Variants in MSANTD4 observed in about 807,000 individuals in gnomAD.
MSANTD4 encodes the protein myb/SANT-like DNA-binding domain-containing protein 4.
In MSANTD4, 13 loss-of-function variants were observed where a neutral mutation model predicts 34.3. That is an observed-to-expected ratio of 0.38 (90% CI 0.25 to 0.60). The LOEUF is 0.60. Ranked by LOEUF, MSANTD4 falls within the 20% of genes least tolerant of loss-of-function variation. The pLI, the probability that MSANTD4 is intolerant of heterozygous loss-of-function variation, is 0.63. For synonymous variants in MSANTD4, 137 were observed against 145.2 expected (o/e 0.94, Z 0.41); for missense variants, 358 against 401.8 (o/e 0.89, Z 0.93).
At chr11:106,016,061 T>C (rs983421558) in intron 1 of MSANTD4, among the ~76,000 whole-genome samples, 1 of 152,186 alleles carries the variant, frequency 6.6e-6, no homozygotes, top group Non-Finnish European at 1.5e-5. Flanking sequence ...TCTTGCTATG[T>C]TGTCCAGGCT....
Position 106,016,052 on chromosome 11 carries a change from C to A in MSANTD4, c.-151+4910G>T, listed in dbSNP as rs547499779. Among the ~76,000 whole-genome samples the A allele has an allele frequency of 6.1e-4, 93 of 152,220 alleles. 1 individual carries two copies. The Middle Eastern group carries it at 0.01, about 17-fold the overall frequency. ...TTTAAAGCTTTTATATAGACAAGGTCTTGCTATGTTGTCCAGGCTGGTCTT... is the reference window on the plus strand; with the variant it reads ...TTTAAAGCTTTTATATAGACAAGGTATTGCTATGTTGTCCAGGCTGGTCTT... On this transcript the variant is annotated intron_variant, in intron 1 of 2. Coordinates refer to ENST00000301919, the MANE Select transcript of MSANTD4 (RefSeq NM_032424.3).
rs1859605445 is a variant in MSANTD4 at position 106,009,103 on chromosome 11, G to C, written c.*432C>G. The C allele has an allele frequency of 6.4e-6, 1 of 156,772 alleles. No homozygotes were observed. The highest frequency in any genetic ancestry group is 1.4e-5 in the Non-Finnish European group (1 of 71,094). 9.7% of individuals were successfully genotyped at this position (156,772 alleles called of 1,614,324 possible). A position where few individuals can be genotyped will look rare whatever the true frequency, so the allele number is the denominator to read the frequency against. On this transcript the variant is annotated 3_prime_UTR_variant, in exon 3 of 3. Coordinates refer to ENST00000301919, the MANE Select transcript of MSANTD4 (RefSeq NM_032424.3). ...TTTGGGTTGGAAAATTCTTTACTGA[G>C]TGTGGGGGGGTGTTGAGGAGGTATG...
At position 106,010,988 on chromosome 11, in the gene MSANTD4, A is replaced by T; in HGVS notation, c.-71T>A. ...TTGAGGAATGCTGCAAAGCACAAAA[A>T]CCAGGGATAATTCTTTGCTGGCCCT... On this transcript the variant is annotated 5_prime_UTR_variant, in exon 2 of 3. Coordinates refer to ENST00000301919, the MANE Select transcript of MSANTD4 (RefSeq NM_032424.3). The T allele has an allele frequency of 6.8e-7, 1 of 1,474,690 alleles. No homozygotes were observed. Among genetic ancestry groups the T allele is most frequent in the Non-Finnish European group, 9.0e-7 (1 of 1,116,850 alleles). 91.4% of individuals were successfully genotyped at this position (1,474,690 alleles called of 1,614,324 possible). A position where few individuals can be genotyped will look rare whatever the true frequency, so the allele number is the denominator to read the frequency against.
In MSANTD4 at chr11:106,008,482, T is replaced by C. The variant is rs1859591189; in HGVS notation, c.*1053A>G. ...TCCAATCCATAATACATACCTACTA[T>C]CATTATTTCAACATCATTATTATTT... On this transcript the variant is annotated 3_prime_UTR_variant, in exon 3 of 3. Coordinates refer to ENST00000301919, the MANE Select transcript of MSANTD4 (RefSeq NM_032424.3). 6.6e-6 allele frequency: 1 copy of C among 152,192 alleles called. No individual in the cohort carries two copies. The highest frequency in any genetic ancestry group is 6.5e-5 in the Admixed American group (1 of 15,276). 9.4% of individuals were successfully genotyped at this position (152,192 alleles called of 1,614,324 possible). A position where few individuals can be genotyped will look rare whatever the true frequency, so the allele number is the denominator to read the frequency against.
chr11:106,009,627 T>C lies in MSANTD4; in HGVS notation c.946A>G (p.Lys316Glu), dbSNP rs777479414. The change falls in exon 3 of 3, where the codon AAG becomes GAG. Residue 316 changes from lysine to glutamate, a missense_variant. Physicochemically the swap from Lys to Glu is moderately conservative, Grantham distance 56 (BLOSUM62 1). Around this residue, in one of 2 missense-constraint regions of MSANTD4, gnomAD observed 312 missense variants for 317.6 expected, o/e 0.98. Coordinates refer to ENST00000301919, the MANE Select transcript of MSANTD4 (RefSeq NM_032424.3). The stretch of plus-strand genomic sequence containing the variant: ...ATCTGCAGCTTCTCAGATTCAAACT[T>C]CAAAAACTGCAGCCTATCCTTTTCC... ...QLEKDRLQFL[K>E]FESEKLQIEK... is the part of the protein sequence containing the mutation. The C allele has an allele frequency of 1.2e-6, 2 of 1,614,070 alleles. No homozygotes were observed. Among genetic ancestry groups the C allele is most frequent in the Non-Finnish European group, 1.7e-6 (2 of 1,180,042 alleles).
Position 106,009,889 on chromosome 11 carries a change from T to C in MSANTD4, c.684A>G (p.Val228=), listed in dbSNP as rs1311028616. 1.2e-6 allele frequency: 2 copies of C among 1,613,518 alleles called. No individual in the cohort carries two copies. The highest frequency in any genetic ancestry group is 1.7e-5 in the Admixed American group (1 of 59,824). Residue 228 remains valine (V), a synonymous_variant, in exon 3 of 3, where the codon GTA becomes GTG. Transcript: ENST00000301919. The part of the protein sequence containing the change: ...RLDIEAERLQ[V]EKERLQIEKE... ...TCTCGATTTGTAGGCGTTCCTTTTC[T>C]ACCTGCAGCCTTTCGGCCTCGATAT... is the stretch of plus-strand genomic sequence containing the variant.
chr11:106,019,524 G>A (rs1859966520), intron 1 of MSANTD4, among the ~76,000 whole-genome samples: 2 of 152,190 alleles, frequency 1.3e-5, no homozygotes, highest in Middle Eastern at 3.4e-3. Context: ...ATTTCCCCAG[G>A]TCATCTTCCC....
Position 106,010,030 on chromosome 11 carries a change from G to C in MSANTD4, c.543C>G (p.Pro181=), listed in dbSNP as rs1433327686. The change falls in exon 3 of 3, where the codon CCC becomes CCG. Residue 181 remains proline (P), a synonymous_variant. Transcript: ENST00000301919. The part of the protein sequence containing the change: ...SRRENELPDF[P]HIDEFFTLNS... ...TAAGGGTAAAAAACTCATCAATGTG[G>C]GGGAAATCGGGAAGTTCATTTTCTC... The C allele has an allele frequency of 6.2e-7, 1 of 1,601,674 alleles. No individual in the cohort carries two copies. The highest frequency in any genetic ancestry group is 1.7e-5 in the Admixed American group (1 of 59,684).
In MSANTD4 at chr11:106,009,848, T is replaced by C. The variant is rs199940080; in HGVS notation, c.725A>G (p.His242Arg). Residue 242 changes from histidine to arginine, a missense_variant, in exon 3 of 3, where the codon CAT (histidine) becomes CGT (arginine). Physicochemically the swap from His to Arg is conservative, Grantham distance 29. This residue lies in a region of MSANTD4 where 312 missense variants were observed against 317.6 expected (regional missense o/e 0.98). Transcript: ENST00000301919. ...AAGCCGCTCATGTTCCATGTCTAAA[T>C]GCCGCAGCCTCTCTTTCTCGATTTG... The part of the protein sequence containing the change: ...RLQIEKERLR[H>R]LDMEHERLQL... 9.3e-6 allele frequency: 15 copies of C among 1,614,008 alleles called. No homozygotes were observed. In the East Asian group the frequency reaches 3.3e-4, roughly 36 times the overall value.
rs751861622 is a variant in MSANTD4 at position 106,011,140 on chromosome 11, T to C, written c.-150-73A>G. 5 of 672,570 alleles carry C rather than the reference T, an allele frequency of 7.4e-6. No individual in the cohort carries two copies. In the South Asian group the frequency reaches 1.5e-4, roughly 20 times the overall value. The allele number at this position is 672,570 out of a possible 1,614,324, so 41.7% of individuals were successfully genotyped here. On this transcript the variant is annotated intron_variant, in intron 1 of 2. Coordinates refer to ENST00000301919, the MANE Select transcript of MSANTD4 (RefSeq NM_032424.3). ...ACATACTTCAACCTAATGAACTATA[T>C]AATTTTTAAGAGAAACAAAAAACAA...
rs1314929281 is a variant in MSANTD4, at chr11:106,022,122, C to G, written c.-1311G>C. 1 of 152,892 alleles carries G rather than the reference C, an allele frequency of 6.5e-6. No homozygotes were observed. The highest frequency in any genetic ancestry group is 2.4e-5 in the African/African-American group (1 of 41,570). 9.5% of individuals were successfully genotyped at this position (152,892 alleles called of 1,614,324 possible). ...GCCGCTGACCCCTCCGGGACCCTAC[C>G]CACTGCGAGGGCACCCACTGGTCAC... On this transcript the variant is annotated 5_prime_UTR_variant, in exon 1 of 3. Coordinates refer to ENST00000301919, the MANE Select transcript of MSANTD4 (RefSeq NM_032424.3).
At position 106,010,086 on chromosome 11, in the gene MSANTD4, T is replaced by TTTC; in HGVS notation, c.484_486dup (p.Glu162dup). 6.4e-7 allele frequency: 1 copy of TTTC among 1,573,804 alleles called. No individual in the cohort carries two copies. Among genetic ancestry groups the TTTC allele is most frequent in the Non-Finnish European group, 8.6e-7 (1 of 1,167,450 alleles). On this transcript the variant is annotated inframe_insertion, in exon 3 of 3. Transcript: ENST00000301919. The stretch of plus-strand genomic sequence containing the variant: ...GAATCTGGTATGACGGATGACAACA[T>TTTC]TTCTTCCTCCTCCTCAATTTCAAAC...
Position 106,009,257 on chromosome 11 carries a change from T to A in MSANTD4, c.*278A>T. ...AGAACTTCTGGGCTAGAATTTTATATGGACATAATTGTAAACTCTGGGTAC... is the reference window on the plus strand; with the variant it reads ...AGAACTTCTGGGCTAGAATTTTATAAGGACATAATTGTAAACTCTGGGTAC... On this transcript the variant is annotated 3_prime_UTR_variant, in exon 3 of 3. Transcript: ENST00000301919. The A allele has an allele frequency of 7.1e-6, 2 of 281,030 alleles. No homozygotes were observed. Among genetic ancestry groups the A allele is most frequent in the Non-Finnish European group, 1.3e-5 (2 of 151,024 alleles). The allele number at this position is 281,030 out of a possible 1,614,324, so 17.4% of individuals were successfully genotyped here.
Position 106,009,519 on chromosome 11 carries a change from T to C in MSANTD4, c.*16A>G, listed in dbSNP as rs745738430. 6.4e-7 allele frequency: 1 copy of C among 1,574,516 alleles called. No homozygotes were observed. The highest frequency in any genetic ancestry group is 8.6e-7 in the Non-Finnish European group (1 of 1,162,210). Reference sequence around the variant, plus strand: ...CTAGAGTTTTCAAACATTTGCTAAATGGAAGCCTGGAAAAATCACTGCAAG... The same window carrying C: ...CTAGAGTTTTCAAACATTTGCTAAACGGAAGCCTGGAAAAATCACTGCAAG... On this transcript the variant is annotated 3_prime_UTR_variant, in exon 3 of 3. Coordinates refer to ENST00000301919, the MANE Select transcript of MSANTD4 (RefSeq NM_032424.3).
rs914950332 is a variant in MSANTD4, at chr11:106,007,939, C to G, written c.*1596G>C. ...GGCAAATTTATTTCTATGGTAGAAG[C>G]ATTTATTTCAGATATAGAAAAATAA... On this transcript the variant is annotated 3_prime_UTR_variant, in exon 3 of 3. Transcript: ENST00000301919. 4 of 152,584 alleles carry G rather than the reference C, an allele frequency of 2.6e-5. No homozygotes were observed. Among genetic ancestry groups the G allele is most frequent in the African/African-American group, 4.8e-5 (2 of 41,434 alleles). The allele number at this position is 152,584 out of a possible 1,614,324, so 9.5% of individuals were successfully genotyped here. A position where few individuals can be genotyped will look rare whatever the true frequency, so the allele number is the denominator to read the frequency against.
rs748082845 is a variant in MSANTD4, at chr11:106,010,581, C to A, written c.337G>T (p.Glu113Ter). The A allele has an allele frequency of 6.2e-7, 1 of 1,614,034 alleles. No individual in the cohort carries two copies. The highest frequency in any genetic ancestry group is 8.5e-7 in the Non-Finnish European group (1 of 1,180,030). The change falls in exon 2 of 3, where the codon GAA (glutamate) becomes TAA (stop). Residue 113 changes from glutamate to a stop codon, truncating the protein, a stop_gained. Transcript: ENST00000301919. LOFTEE classifies it high-confidence loss of function. ...GCATCATTTCGGAATCCAATCTTTT[C>A]ATCTATCTCTTCAGTGAGAGAGTCA... is the stretch of plus-strand genomic sequence containing the variant. ...LDDSLTEEID[E>*]KIGFRNDANF... is the part of the protein sequence containing the mutation.
chr11:106,016,365 T>A (rs916629693), intron 1 of MSANTD4, among the ~76,000 whole-genome samples: 3 of 152,130 alleles, frequency 2.0e-5, no homozygotes, highest in Non-Finnish European at 2.9e-5. Context: ...CCAGCCCCAA[T>A]ATGCTGCTTC....
chr11:106,012,668 C>T (rs995876346), intron 1 of MSANTD4, among the ~76,000 whole-genome samples: 17 of 152,144 alleles, frequency 1.1e-4, no homozygotes, highest in Admixed American at 5.2e-4. Context: ...ACTTTTTAGG[C>T]TCCTCTCCAG....
Position 106,010,463 on chromosome 11 carries a change from C to A in MSANTD4, c.455G>T (p.Ser152Ile). 1 of 1,611,642 alleles carries A rather than the reference C, an allele frequency of 6.2e-7. No individual in the cohort carries two copies. The highest frequency in any genetic ancestry group is 8.5e-7 in the Non-Finnish European group (1 of 1,178,842). ...ACAGAGGCTAATACTTACTTCAGGA[C>A]TCTGCGGATCCCTTTCTTCCTCTTC... Reference protein sequence around the residue: ...KVEEEERDPQSPEFEIEEEEE... With the variant: ...KVEEEERDPQIPEFEIEEEEE... The change falls in exon 2 of 3, where the codon AGT becomes ATT. Residue 152 changes from serine to isoleucine, a missense_variant. Transcript: ENST00000301919.
Sources: gnomAD v4.1 joint callset for allele counts (sites outside exome capture counted in the v4.1 genomes callset) on GRCh38, gnomAD v4.1.1 for gene constraint, gnomAD v4.1.1 regional missense constraint, MANE v1.5 for transcripts, NCBI Gene and HGNC (gene_info 2026-07-23, HGNC 2026-07-21) for gene names.